SNX10: variants seen among roughly 807,000 people sequenced by gnomAD.
SNX10 encodes the protein sorting nexin-10.
Under a neutral mutation model 28.5 loss-of-function variants are expected in SNX10, and 25 were observed. The observed-to-expected ratio is 0.88, with a 90% CI of 0.64 to 1.22. SNX10 has a LOEUF of 1.22. Ranked by LOEUF, SNX10 falls within the 50% of genes most tolerant of loss-of-function variation. The pLI is 0.00. For missense variants in SNX10, 223 were observed against 242.6 expected, an observed-to-expected ratio of 0.92 and a Z score of 0.54; for synonymous variants, 62 against 81.4, an observed-to-expected ratio of 0.76 and a Z score of 1.28.
chr7:26,362,309 TCTAA>T (rs952678602), intron 3 of SNX10, among the ~76,000 whole-genome samples: 1 of 152,238 alleles, frequency 6.6e-6, no homozygotes, highest in African/African-American at 2.4e-5. Context: ...TTAGTTGCCT[TCTAA>T]CTTTCTGTAA....
At chr7:26,325,306 A>ATATATATATATATATATATATAT (rs1787457774) in intron 1 of SNX10, among the ~76,000 whole-genome samples, 116 of 51,370 alleles carry the variant, frequency 2.3e-3, no homozygotes, top group Non-Finnish European at 5.7e-3. Context: ...AAGTTTGCAA[A>ATATATATATATATATATATATAT]ATATATATAT....
chr7:26,334,047 A>G (rs183687450), intron 1 of SNX10, among the ~76,000 whole-genome samples: 1 of 152,340 alleles, frequency 6.6e-6, no homozygotes, highest in Admixed American at 6.5e-5. Context: ...TGCTGTTCCA[A>G]AAGATGAAAA....
At chr7:26,331,961 A>G (rs948728111) in intron 1 of SNX10, among the ~76,000 whole-genome samples, 4 of 152,246 alleles carry the variant, frequency 2.6e-5, no homozygotes, top group African/African-American at 7.2e-5. Context: ...ATATTGTTGA[A>G]TAATACTCCA....
chr7:26,324,207 G>A (rs1787410359), intron 1 of SNX10, among the ~76,000 whole-genome samples: 1 of 152,018 alleles, frequency 6.6e-6, no homozygotes, highest in Non-Finnish European at 1.5e-5. Flanking sequence ...TGAGATTGAA[G>A]AAGAGAAAAT....
intron 2 of SNX10, among the ~76,000 whole-genome samples, chr7:26,356,106 G>A (rs1788808123): frequency 6.6e-6 from 1 of 152,204 alleles, no homozygotes; most frequent in Non-Finnish European, 1.5e-5. Context: ...GTCAAACCTG[G>A]GGTGTGGGGA....
intron 1 of SNX10, among the ~76,000 whole-genome samples, chr7:26,310,683 ATTT>A (rs5883024): frequency 1.4e-5 from 2 of 140,284 alleles, no homozygotes; most frequent in African/African-American, 2.6e-5. Flanking sequence ...GCGAGGAACA[ATTT>A]TTTTTTTTTT....
Position 26,347,496 on chromosome 7 carries a change from C to A in SNX10, c.24+1030C>A, listed in dbSNP as rs373111306. ...CAGAGGTTGCAGTGAGCCAAGATTA[C>A]GCCACCACACTTCAGCCCCGGCGAC... On this transcript the variant is annotated intron_variant, in intron 2 of 6. Coordinates refer to ENST00000338523, the MANE Select transcript of SNX10 (RefSeq NM_013322.3). Among the ~76,000 whole-genome samples the A allele has an allele frequency of 2.0e-3, 308 of 152,198 alleles. 2 individuals are homozygous for A. Among genetic ancestry groups the A allele is most frequent in the African/African-American group, 7.2e-3 (299 of 41,530 alleles).
At chr7:26,300,636 C>T (rs1287822539) in intron 1 of SNX10, among the ~76,000 whole-genome samples, 1 of 152,132 alleles carries the variant, frequency 6.6e-6, no homozygotes, top group African/African-American at 2.4e-5. Context: ...TTTATCCCAG[C>T]CTCCATCTCT....
At chr7:26,297,167 G>C (rs1786144426) in intron 1 of SNX10, among the ~76,000 whole-genome samples, 1 of 152,224 alleles carries the variant, frequency 6.6e-6, no homozygotes, top group South Asian at 2.1e-4. Flanking sequence ...CACAATCTCA[G>C]CTCACTGCAA....
chr7:26,303,261 G>A lies in SNX10; in HGVS notation c.-24+11175G>A, dbSNP rs543846286. ...TCCTAAGTTAGCATTGGAGTTGGGG[G>A]CTTAATGTAAGGATACTGCAGACAA... On this transcript the variant is annotated intron_variant, in intron 1 of 6. Transcript: ENST00000338523. 2.6e-5 allele frequency among the ~76,000 whole-genome samples: 4 copies of A among 152,326 alleles called. 1 individual carries two copies. In the South Asian group the frequency reaches 8.3e-4, roughly 32 times the overall value.
chr7:26,349,137 A>G (rs1232834269), intron 2 of SNX10, among the ~76,000 whole-genome samples: 1 of 152,214 alleles, frequency 6.6e-6, no homozygotes, highest in Non-Finnish European at 1.5e-5. Context: ...CAAATGCAGT[A>G]TGACTGATTG....
At chr7:26,316,778 A>G (rs1313139275) in intron 1 of SNX10, among the ~76,000 whole-genome samples, 2 of 152,336 alleles carry the variant, frequency 1.3e-5, no homozygotes, top group South Asian at 2.1e-4. Flanking sequence ...TGGGCAGCCC[A>G]TGCTTCATCA....
chr7:26,323,310 AG>A (rs571836996), intron 1 of SNX10, among the ~76,000 whole-genome samples: 120 of 150,542 alleles, frequency 8.0e-4, no homozygotes, highest in Admixed American at 1.6e-3. Context: ...GGAAAAACTT[AG>A]GGGAAAAACG....
At chr7:26,362,200 T>G (rs1046436248) in intron 3 of SNX10, among the ~76,000 whole-genome samples, 7 of 152,358 alleles carry the variant, frequency 4.6e-5, no homozygotes, top group Non-Finnish European at 1.0e-4. Context: ...GTATTTTGAT[T>G]CTGTTTTGGT....
chr7:26,320,423 ATTTAT>A lies in SNX10; in HGVS notation c.-23-25983_-23-25979del, dbSNP rs537713494. Among the ~76,000 whole-genome samples, 440 of 150,616 alleles carry A rather than the reference ATTTAT, an allele frequency of 2.9e-3. 2 individuals are homozygous for A. Among genetic ancestry groups the A allele is most frequent in the Admixed American group, 5.0e-3 (75 of 15,108 alleles). On this transcript the variant is annotated intron_variant, in intron 1 of 6. Coordinates refer to ENST00000338523, the MANE Select transcript of SNX10 (RefSeq NM_013322.3). ...TTTCTGGAATCTTCTTCTTTTTTTAATTTATTTTATTTTATTTTTATTTTTTGAGA... is the reference window on the plus strand; with the variant it reads ...TTTCTGGAATCTTCTTCTTTTTTTAATTTATTTTATTTTTATTTTTTGAGA...
At chr7:26,326,059 T>C (rs187326101) in intron 1 of SNX10, among the ~76,000 whole-genome samples, 226 of 152,260 alleles carry the variant, frequency 1.5e-3, no homozygotes, top group South Asian at 5.6e-3. Flanking sequence ...ACGTTATGAA[T>C]AGTCTTTTAC....
intron 1 of SNX10, among the ~76,000 whole-genome samples, chr7:26,297,813 C>G (rs528926675): frequency 6.6e-6 from 1 of 152,200 alleles, no homozygotes; most frequent in African/African-American, 2.4e-5. Flanking sequence ...ATAAAGCTGG[C>G]TCTATATGTT....
chr7:26,340,004 GT>G (rs138983233), intron 1 of SNX10, among the ~76,000 whole-genome samples: 18 of 149,606 alleles, frequency 1.2e-4, no homozygotes, highest in Non-Finnish European at 1.6e-4. Flanking sequence ...AGTCTTTGCC[GT>G]TTTTTTTTTA....
intron 1 of SNX10, among the ~76,000 whole-genome samples, chr7:26,317,069 C>T (rs1352345868): frequency 6.6e-6 from 1 of 152,140 alleles, no homozygotes; most frequent in African/African-American, 2.4e-5. Context: ...GGAGCCATGC[C>T]ATTTGTAATT....
Sources: gnomAD v4.1 joint callset for allele counts (sites outside exome capture counted in the v4.1 genomes callset) on GRCh38, gnomAD v4.1.1 for gene constraint, MANE v1.5 for transcripts, NCBI Gene and HGNC (gene_info 2026-07-23, HGNC 2026-07-21) for gene names.